GPHN: variants seen among roughly 807,000 people sequenced by gnomAD.
GPHN encodes gephyrin.
In GPHN, 17 loss-of-function variants were observed where a neutral mutation model predicts 95.5. That is an observed-to-expected ratio of 0.18 (90% CI 0.12 to 0.27). The LOEUF (loss-of-function observed/expected upper bound fraction) is 0.27. Among genes scored for constraint, GPHN ranks in the 10% least tolerant of loss-of-function variants. The pLI, the probability that GPHN is intolerant of heterozygous loss-of-function variation, is 1.00. For missense variants in GPHN, 660 were observed against 978.1 expected (o/e 0.67, Z 4.34); for synonymous variants, 320 against 322.5 (o/e 0.99, Z 0.08).
intron 18 of GPHN, among the ~76,000 whole-genome samples, chr14:67,155,580 CA>C (rs1203603967): frequency 6.6e-6 from 1 of 151,994 alleles, no homozygotes; most frequent in Non-Finnish European, 1.5e-5. Context: ...TCATAAGAAT[CA>C]AATTGAAATT....
At chr14:66,874,696 C>A (rs1260259359) in intron 4 of GPHN, among the ~76,000 whole-genome samples, 1 of 151,796 alleles carries the variant, frequency 6.6e-6, no homozygotes, top group Non-Finnish European at 1.5e-5. Context: ...AGCATGAAGA[C>A]AAGATTAAAG....
chr14:66,881,628 G>A (rs2063934134), intron 5 of GPHN, among the ~76,000 whole-genome samples: 1 of 151,862 alleles, frequency 6.6e-6, no homozygotes, highest in African/African-American at 2.4e-5. Flanking sequence ...TCTTGCAACT[G>A]TTAAGATAAT....
chr14:66,576,608 G>A (rs2060910766), intron 1 of GPHN, among the ~76,000 whole-genome samples: 1 of 151,976 alleles, frequency 6.6e-6, no homozygotes, highest in South Asian at 2.1e-4. Flanking sequence ...AAAATTTATG[G>A]CAAGCATATT....
chr14:67,709,414 C>T, the GPHN span, among the ~76,000 whole-genome samples: 1 of 152,198 alleles, frequency 6.6e-6, no homozygotes, highest in Non-Finnish European at 1.5e-5. Context: ...TAAGATATAA[C>T]TTTCATAAGC....
the GPHN span, among the ~76,000 whole-genome samples, chr14:67,361,761 A>G: frequency 1.3e-5 from 2 of 152,354 alleles, no homozygotes; most frequent in Admixed American, 6.5e-5. Flanking sequence ...AGAGTATTAT[A>G]GCATGTTGTG....
the GPHN span, chr14:67,573,169 T>G: frequency 1.5e-6 from 1 of 684,218 alleles, no homozygotes; most frequent in Non-Finnish European, 2.6e-6. This position sits in a 1 kb window ranked among gnomAD's most constrained non-coding sequence, Gnocchi z 4.8. Context: ...AATTTTGTAT[T>G]TAATTGATGA....
intron 10 of GPHN, among the ~76,000 whole-genome samples, chr14:67,054,766 A>G (rs1399284429): frequency 2.0e-5 from 3 of 152,224 alleles, no homozygotes; most frequent in Non-Finnish European, 4.4e-5. Flanking sequence ...AGACCAGTGG[A>G]ACAGAATATA....
intron 10 of GPHN, among the ~76,000 whole-genome samples, chr14:67,051,188 C>G (rs1030080186): frequency 7.3e-5 from 11 of 151,492 alleles, no homozygotes; most frequent in African/African-American, 2.4e-5. Context: ...TGCCTGCTGC[C>G]AAGACAACTG....
chr14:66,769,458 T>C (rs2059084011), intron 2 of GPHN, among the ~76,000 whole-genome samples: 1 of 152,046 alleles, frequency 6.6e-6, no homozygotes, highest in African/African-American at 2.4e-5. Context: ...TTATTTTTCT[T>C]GATCCTCTCC....
chr14:66,509,381 C>G (rs940307155), intron 1 of GPHN: 3 of 152,334 alleles, frequency 2.0e-5, no homozygotes, highest in African/African-American at 7.2e-5. Flanking sequence ...AACCCCCACC[C>G]CGGTAGAGCG....
the GPHN span, among the ~76,000 whole-genome samples, chr14:67,711,014 T>C: frequency 6.6e-6 from 1 of 152,214 alleles, no homozygotes; most frequent in Non-Finnish European, 1.5e-5. Context: ...ATCTTGCTTT[T>C]AACCTTCAAA....
the GPHN span, among the ~76,000 whole-genome samples, chr14:67,369,791 T>G: frequency 1.3e-5 from 2 of 152,194 alleles, no homozygotes; most frequent in Non-Finnish European, 2.9e-5. Flanking sequence ...AAAACAGTTA[T>G]CTAGGCTTTT....
At chr14:66,840,928 G>A (rs1014912716) in intron 4 of GPHN, among the ~76,000 whole-genome samples, 4 of 149,618 alleles carry the variant, frequency 2.7e-5, no homozygotes. Context: ...CCCATAAGAA[G>A]TTAATGCTTC....
chr14:66,967,925 A>G (rs1315214801), intron 9 of GPHN, among the ~76,000 whole-genome samples: 103 of 151,934 alleles, frequency 6.8e-4, no homozygotes, highest in Non-Finnish European at 1.0e-4. Context: ...ATATTGATCA[A>G]TAATGACCAC....
chr14:67,073,467 T>G (rs1223883800), intron 11 of GPHN, among the ~76,000 whole-genome samples: 4 of 152,202 alleles, frequency 2.6e-5, no homozygotes, highest in African/African-American at 9.6e-5. Context: ...AAAATTATTC[T>G]TCCTAAAAAC....
the GPHN span, among the ~76,000 whole-genome samples, chr14:67,502,123 G>A: frequency 0.14 from 21,489 of 151,892 alleles, 1,832 homozygotes; most frequent in Non-Finnish European, 0.2. Flanking sequence ...ACCTGAGGTC[G>A]GGAGTTTGAG....
At chr14:67,377,942 C>T in the GPHN span, among the ~76,000 whole-genome samples, 1 of 149,034 alleles carries the variant, frequency 6.7e-6, no homozygotes. Context: ...ACTGCCATCT[C>T]TAAAAAAAAA....
At chr14:66,824,128 C>G (rs987179506) in intron 3 of GPHN, among the ~76,000 whole-genome samples, 3 of 152,090 alleles carry the variant, frequency 2.0e-5, no homozygotes, top group Non-Finnish European at 4.4e-5. Context: ...ACATGTAATT[C>G]TAATCTCTAT....
the GPHN span, chr14:67,575,561 C>T: frequency 1.2e-6 from 1 of 823,748 alleles, no homozygotes; most frequent in South Asian, 1.4e-5. Context: ...AGTCCCTACC[C>T]CACGTAACCC....
Sources: gnomAD v4.1 joint callset for allele counts (sites outside exome capture counted in the v4.1 genomes callset) on GRCh38, gnomAD v4.1.1 for gene constraint, Gnocchi (gnomAD v3.1) non-coding constraint, MANE v1.5 for transcripts, NCBI Gene and HGNC (gene_info 2026-07-23, HGNC 2026-07-21) for gene names.